Variants in MTHFD2L observed in about 807,000 individuals in gnomAD.
MTHFD2L encodes bifunctional methylenetetrahydrofolate dehydrogenase/cyclohydrolase 2, mitochondrial.
In MTHFD2L, 29 loss-of-function variants were observed where a neutral mutation model predicts 34.9. The observed-to-expected ratio is 0.83, with a 90% CI of 0.62 to 1.13. The LOEUF is 1.13. Ranked by LOEUF, MTHFD2L falls within the 50% of genes most tolerant of loss-of-function variation. The pLI, the probability that MTHFD2L is intolerant of heterozygous loss-of-function variation, is 0.00. For missense variants in MTHFD2L, 481 were observed against 446.5 expected (o/e 1.08, Z -0.70); for synonymous variants, 167 against 155.7 (o/e 1.07, Z -0.54).
At chr4:74,158,023 G>A, upstream of MTHFD2L, 2 of 1,454,738 alleles carry the variant, frequency 1.4e-6, no homozygotes, top group South Asian at 1.2e-5. Flanking sequence ...GAACCTGGCT[G>A]GGAAGCGCTA....
intron 3 of MTHFD2L, among the ~76,000 whole-genome samples, chr4:74,179,121 A>G (rs956607716): frequency 9.2e-5 from 14 of 152,072 alleles, no homozygotes; most frequent in African/African-American, 3.4e-4. Context: ...AGGTTAAGTG[A>G]ATTGACCAGT....
chr4:74,259,208 T>TC (rs1476266857), intron 6 of MTHFD2L, among the ~76,000 whole-genome samples: 3 of 152,064 alleles, frequency 2.0e-5, no homozygotes, highest in Non-Finnish European at 4.4e-5. Context: ...ACTTTTTATC[T>TC]CCCCAAGCCT....
chr4:74,291,003 C>CCTTTT (rs1748846516), intron 7 of MTHFD2L, among the ~76,000 whole-genome samples: 1 of 29,272 alleles, frequency 3.4e-5, no homozygotes, highest in Non-Finnish European at 6.5e-5. Flanking sequence ...TTTTCCTTTT[C>CCTTTT]TTTTTTTTTT....
Position 74,246,829 on chromosome 4 carries a change from T to C in MTHFD2L, c.805+21435T>C, listed in dbSNP as rs139514698. Among the ~76,000 whole-genome samples the C allele has an allele frequency of 6.7e-3, 1,018 of 152,314 alleles. 15 individuals are homozygous for C. The highest frequency in any genetic ancestry group is 0.022 in the African/African-American group (910 of 41,568). On this transcript the variant is annotated intron_variant, in intron 6 of 7. Transcript: ENST00000325278. The stretch of plus-strand genomic sequence containing the variant: ...TTTCTGAGGGCTCTGCTCTGTTCCA[T>C]TGATCTGTATCTCTGTTTTGGTACC...
chr4:74,136,866 G>C (rs1722973082), intron 1 of MTHFD2L, among the ~76,000 whole-genome samples: 1 of 152,078 alleles, frequency 6.6e-6, no homozygotes, highest in Non-Finnish European at 1.5e-5. Context: ...CCTAAAATGG[G>C]GAAAGGTCAG....
At chr4:74,163,866 T>G (rs537912504) in intron 1 of MTHFD2L, among the ~76,000 whole-genome samples, 6 of 152,220 alleles carry the variant, frequency 3.9e-5, no homozygotes, top group African/African-American at 1.4e-4. Context: ...TTTCGTCTTT[T>G]TTTGTTTGTT....
chr4:74,230,989 C>G (rs746288976), intron 6 of MTHFD2L, among the ~76,000 whole-genome samples: 2 of 152,112 alleles, frequency 1.3e-5, no homozygotes, highest in Non-Finnish European at 2.9e-5. Flanking sequence ...ACTTGCATGT[C>G]AAGCTCTGGA....
At chr4:74,158,340 G>T in intron 1 of MTHFD2L, 59 bp downstream of exon 1, 1 of 1,169,628 alleles carries the variant, frequency 8.5e-7, no homozygotes, top group Non-Finnish European at 1.1e-6. Context: ...CGGCGGGGGC[G>T]CGGGCGGCGC....
chr4:74,150,356 C>A (rs1299825084), intron 1 of MTHFD2L, among the ~76,000 whole-genome samples: 3 of 152,200 alleles, frequency 2.0e-5, no homozygotes, highest in Non-Finnish European at 2.9e-5. Context: ...CAGGTTCAAG[C>A]GATTCTCCTG....
chr4:74,275,235 T>C (rs1424990968), intron 6 of MTHFD2L, among the ~76,000 whole-genome samples: 1 of 152,186 alleles, frequency 6.6e-6, no homozygotes, highest in Non-Finnish European at 1.5e-5. Flanking sequence ...CTGAGGATAA[T>C]GGCTTCCAGC....
At chr4:74,298,952 G>A (rs957003699) in intron 7 of MTHFD2L, among the ~76,000 whole-genome samples, 1 of 151,876 alleles carries the variant, frequency 6.6e-6, no homozygotes, top group Non-Finnish European at 1.5e-5. Context: ...ACTTCACTGA[G>A]CCACAGTTTC....
At chr4:74,241,651 T>G (rs1391032246) in intron 6 of MTHFD2L, 7 of 426,704 alleles carry the variant, frequency 1.6e-5, no homozygotes, top group Non-Finnish European at 2.8e-5. Flanking sequence ...GTGCTGAGAT[T>G]ACAGGCATGA....
intron 6 of MTHFD2L, among the ~76,000 whole-genome samples, chr4:74,244,776 C>T (rs917789774): frequency 5.9e-5 from 9 of 152,114 alleles, no homozygotes; most frequent in African/African-American, 1.9e-4. Flanking sequence ...AAGAAACTAT[C>T]ACTTGTCAAG....
At chr4:74,147,961 G>A (rs999517989) in intron 1 of MTHFD2L, among the ~76,000 whole-genome samples, 3 of 151,832 alleles carry the variant, frequency 2.0e-5, no homozygotes, top group Non-Finnish European at 4.4e-5. Flanking sequence ...TCTCTTGATT[G>A]CTTTTTCACT....
intron 5 of MTHFD2L, among the ~76,000 whole-genome samples, chr4:74,206,550 A>C (rs759093306): frequency 4.1e-4 from 62 of 152,154 alleles, no homozygotes; most frequent in Non-Finnish European, 7.1e-4. Flanking sequence ...AAGGCTAAGG[A>C]AAGTCTTCTG....
chr4:74,128,369 T>C (rs1404456094), intron 1 of MTHFD2L, among the ~76,000 whole-genome samples: 1 of 152,148 alleles, frequency 6.6e-6, no homozygotes, highest in East Asian at 1.9e-4. Context: ...TTTAAGTCTT[T>C]AATTCATTTT....
chr4:74,140,146 A>T (rs72652949), intron 1 of MTHFD2L, among the ~76,000 whole-genome samples: 545 of 144,618 alleles, frequency 3.8e-3, no homozygotes, highest in Non-Finnish European at 6.1e-3. Flanking sequence ...ACAAAAAATT[A>T]AAAAAAAAAA....
At chr4:74,252,503 G>T (rs911605148) in intron 6 of MTHFD2L, among the ~76,000 whole-genome samples, 4 of 152,006 alleles carry the variant, frequency 2.6e-5, no homozygotes, top group Non-Finnish European at 5.9e-5. Context: ...ATAAAAAAGG[G>T]ATTATAGTAA....
intron 1 of MTHFD2L, among the ~76,000 whole-genome samples, chr4:74,149,640 C>A (rs1029198908): frequency 5.3e-5 from 8 of 152,040 alleles, no homozygotes; most frequent in African/African-American, 1.9e-4. Flanking sequence ...ACAATGATTA[C>A]CTCTGATAAA....
Sources: gnomAD v4.1 joint callset for allele counts (sites outside exome capture counted in the v4.1 genomes callset) on GRCh38, gnomAD v4.1.1 for gene constraint, MANE v1.5 for transcripts, NCBI Gene and HGNC (gene_info 2026-07-23, HGNC 2026-07-21) for gene names.